PES1: variants seen among roughly 807,000 people sequenced by gnomAD.
The protein encoded by PES1 is pescadillo ribosomal biogenesis factor 1.
A neutral mutation model predicts 77.1 loss-of-function variants in PES1; 31 were observed. That is an observed-to-expected ratio of 0.40 (90% CI 0.30 to 0.54). The LOEUF (loss-of-function observed/expected upper bound fraction) is 0.54, where lower values mean the gene tolerates loss of function less well. Ranked by LOEUF, PES1 falls within the 20% of genes least tolerant of loss-of-function variation. The probability of loss-of-function intolerance (pLI) is 0.45; values close to 1 mark genes in which losing one functional copy is unlikely to be tolerated. For missense variants in PES1, 658 were observed against 771.7 expected (o/e 0.85, Z 1.75); for synonymous variants, 282 against 303.0 (o/e 0.93, Z 0.72).
chr22:30,580,968 C>G, intron 9 of PES1, 44 bp downstream of exon 9: 1 of 1,534,470 alleles, frequency 6.5e-7, no homozygotes, highest in Non-Finnish European at 9.0e-7. Context: ...ACCCCCCACA[C>G]GACCCCTCCC....
In PES1 at chr22:30,580,563, C is replaced by T. The variant is rs370215427; in HGVS notation, c.1043+8G>A. ...CAATGCTGTCAGCGGGCCCTTGAGCCTCCCTACCTGATGATGAAGGCCAGG... is the reference window on the plus strand; with the variant it reads ...CAATGCTGTCAGCGGGCCCTTGAGCTTCCCTACCTGATGATGAAGGCCAGG... On this transcript the variant is annotated splice_region_variant and intron_variant, in intron 10 of 14. Transcript: ENST00000354694. 6.2e-6 allele frequency: 10 copies of T among 1,613,764 alleles called. No individual in the cohort carries two copies. The highest frequency in any genetic ancestry group is 3.3e-4 in the Middle Eastern group (2 of 6,062).
At chr22:30,603,941 G>A (rs1008489942) in intron 2 of PES1, 1 of 152,182 alleles carries the variant, frequency 6.6e-6, no homozygotes, top group African/African-American at 2.4e-5. Flanking sequence ...CTGAACAAAG[G>A]GAAAGGTTAT....
At chr22:30,580,528 A>G in intron 10 of PES1, 43 bp downstream of exon 10, 1 of 1,611,332 alleles carries the variant, frequency 6.2e-7, no homozygotes, top group Non-Finnish European at 8.5e-7. Flanking sequence ...AGACCAGAGC[A>G]TGGCCGAACC....
Position 30,602,410 on chromosome 22 carries a change from T to C in PES1, c.-661+3051A>G, listed in dbSNP as rs1028398895. Reference sequence around the variant, plus strand: ...TTTATAAATTACCGAATTGCAGGTATTTCTTTATAGCAGTGTGAAAACTAA... The same window carrying C: ...TTTATAAATTACCGAATTGCAGGTACTTCTTTATAGCAGTGTGAAAACTAA... On this transcript the variant is annotated intron_variant, in intron 2 of 16. Transcript: ENST00000402281. Among the ~76,000 whole-genome samples the C allele has an allele frequency of 1.9e-4, 28 of 150,436 alleles. 4 individuals are homozygous for C. Among genetic ancestry groups the C allele is most frequent in the Admixed American group, 1.7e-3 (26 of 14,890 alleles).
chr22:30,584,528 G>A lies in PES1; in HGVS notation c.540+18C>T, dbSNP rs757477444. ...GAGGGGGCAGGGTGGGATGCCAGCC[G>A]GGCAGTCCCAGGCTCACCTTGCGCA... On this transcript the variant is annotated intron_variant, in intron 5 of 14. Coordinates refer to ENST00000354694, the MANE Select transcript of PES1 (RefSeq NM_014303.4). 20 of 1,608,978 alleles carry A rather than the reference G, an allele frequency of 1.2e-5. No homozygotes were observed. The highest frequency in any genetic ancestry group is 4.5e-5 in the East Asian group (2 of 44,648).
At chr22:30,590,785 A>G (rs2087163948) in intron 1 of PES1, among the ~76,000 whole-genome samples, 2 of 152,106 alleles carry the variant, frequency 1.3e-5, no homozygotes, top group South Asian at 4.2e-4. Flanking sequence ...ACACAAGACA[A>G]TCCTTCCCAC....
chr22:30,578,588 C>T (rs1372165108), intron 14 of PES1, among the ~76,000 whole-genome samples: 1 of 152,246 alleles, frequency 6.6e-6, no homozygotes, highest in Non-Finnish European at 1.5e-5. Context: ...CCCCAGCAGA[C>T]TCAGGAAGCC....
upstream of PES1, among the ~76,000 whole-genome samples, chr22:30,593,135 T>C (rs2087206921): frequency 6.6e-6 from 1 of 152,208 alleles, no homozygotes; most frequent in South Asian, 2.1e-4. Flanking sequence ...TTTTGAACTA[T>C]GTGACTTGCA....
upstream of PES1, among the ~76,000 whole-genome samples, chr22:30,594,274 C>A (rs1202226772): frequency 6.6e-6 from 1 of 152,156 alleles, no homozygotes; most frequent in Non-Finnish European, 1.5e-5. Flanking sequence ...AATCCCAGCA[C>A]TTTGGGAGGC....
At chr22:30,601,292 G>A (rs1024297664) in intron 2 of PES1, among the ~76,000 whole-genome samples, 4 of 151,990 alleles carry the variant, frequency 2.6e-5, no homozygotes, top group African/African-American at 2.4e-5. Context: ...CTCTCTTAAT[G>A]CTTTTTGCCA....
At chr22:30,584,478 G>T in intron 5 of PES1, 24 bp from the exon 6 acceptor site, 1 of 1,609,810 alleles carries the variant, frequency 6.2e-7, no homozygotes, top group Non-Finnish European at 8.5e-7. Flanking sequence ...GGAGACATCT[G>T]GGTGAAGACC....
At chr22:30,593,456 T>G (rs575022153), upstream of PES1, among the ~76,000 whole-genome samples, 5 of 151,796 alleles carry the variant, frequency 3.3e-5, no homozygotes, top group African/African-American at 1.2e-4. Flanking sequence ...CACTGCACTC[T>G]GCACTCAAGC....
chr22:30,586,028 T>A (rs1188281020), intron 4 of PES1, among the ~76,000 whole-genome samples: 1 of 152,204 alleles, frequency 6.6e-6, no homozygotes, highest in Non-Finnish European at 1.5e-5. Context: ...AACCCAGGCT[T>A]TCTGTAGAAA....
At chr22:30,604,278 ATAAT>A (rs1383986784) in intron 2 of PES1, among the ~76,000 whole-genome samples, 1 of 152,294 alleles carries the variant, frequency 6.6e-6, no homozygotes, top group East Asian at 1.9e-4. Context: ...AAAAATATAA[ATAAT>A]CAGTAAAAAA....
chr22:30,581,115 G>C lies in PES1; in HGVS notation c.823-14C>G. 1 of 1,596,830 alleles carries C rather than the reference G, an allele frequency of 6.3e-7. No individual in the cohort carries two copies. On this transcript the variant is annotated splice_polypyrimidine_tract_variant and intron_variant, in intron 8 of 14. Transcript: ENST00000354694. ...GGCTGCCAGTTTCTACAGGAGAGAA[G>C]GGGGCTGCTTGCAGTGGGGGACCTC...
intron 10 of PES1, 85 bp from the exon 11 acceptor site, chr22:30,580,263 C>G: frequency 1.3e-6 from 2 of 1,518,066 alleles, no homozygotes; most frequent in Non-Finnish European, 8.9e-7. Flanking sequence ...TGCTGGCCAC[C>G]CAGCCCATAA....
Position 30,589,257 on chromosome 22 carries a change from G to A in PES1, c.38C>T (p.Ser13Leu), listed in dbSNP as rs766695536. ...GLEKKKYERG[S>L]ATNYITRNKA... ...GTTCCGGGTGATGTAGTTGGTGGCCGAGCCTCGTTCATACTGGGAGAGGAA... is the reference window on the plus strand; with the variant it reads ...GTTCCGGGTGATGTAGTTGGTGGCCAAGCCTCGTTCATACTGGGAGAGGAA... The change falls in exon 2 of 15, where the codon TCG becomes TTG. Residue 13 changes from serine to leucine, a missense_variant. Transcript: ENST00000354694. 29 of 1,613,384 alleles carry A rather than the reference G, an allele frequency of 1.8e-5. No homozygotes were observed. The highest frequency in any genetic ancestry group is 4.5e-5 in the East Asian group (2 of 44,892).
In PES1 at chr22:30,581,611, T is replaced by A. The variant is rs775755482; in HGVS notation, c.664A>T (p.Thr222Ser). 6.4e-7 allele frequency: 1 copy of A among 1,572,836 alleles called. No homozygotes were observed. The highest frequency in any genetic ancestry group is 2.3e-5 in the East Asian group (1 of 43,516). ...PTDVDYRVMA[T>S]FTEFYTTLLG... is the part of the protein sequence containing the mutation. ...AGCGTGGTGTAGAACTCGGTGAAGG[T>A]GGCCATGACCCTGTAGTCCACGTCT... Residue 222 changes from threonine to serine, a missense_variant, in exon 7 of 15, where the codon ACC becomes TCC. Transcript: ENST00000354694.
At chr22:30,589,562 T>C (rs139576451) in intron 1 of PES1, among the ~76,000 whole-genome samples, 98 of 152,348 alleles carry the variant, frequency 6.4e-4, no homozygotes, top group African/African-American at 2.1e-3. Context: ...ATGTTGGCCA[T>C]TACAATTAGT....
Sources: gnomAD v4.1 joint callset for allele counts (sites outside exome capture counted in the v4.1 genomes callset) on GRCh38, gnomAD v4.1.1 for gene constraint, MANE v1.5 for transcripts, NCBI Gene and HGNC (gene_info 2026-07-23, HGNC 2026-07-21) for gene names.